The following SPOCK1 variants were observed in gnomAD, a reference collection of about 807,000 sequenced individuals.
SPOCK1 encodes SPARC (osteonectin), cwcv and kazal like domains proteoglycan 1, also known as testican-1.
In SPOCK1, 23 loss-of-function variants were observed where a neutral mutation model predicts 55.3. The ratio of observed to expected loss-of-function variants is 0.42; its 90% confidence interval spans 0.30 to 0.59. The LOEUF is 0.59. SPOCK1 is among the 20% of genes least tolerant of loss of function. The pLI, the probability that SPOCK1 is intolerant of heterozygous loss-of-function variation, is 0.22. For missense variants in SPOCK1, 499 were observed against 552.5 expected (o/e 0.90, Z 0.97); for synonymous variants, 226 against 221.0 (o/e 1.02, Z -0.20).
At chr5:137,090,870 TTTCTC>T (rs1363714981) in intron 5 of SPOCK1, among the ~76,000 whole-genome samples, 6 of 152,158 alleles carry the variant, frequency 3.9e-5, no homozygotes, top group African/African-American at 1.2e-4. Context: ...CATGAAGTGT[TTTCTC>T]TTTCTTTCAG....
intron 2 of SPOCK1, among the ~76,000 whole-genome samples, chr5:137,341,022 G>A (rs114011772): frequency 0.021 from 3,138 of 152,194 alleles, 35 homozygotes; most frequent in Non-Finnish European, 0.033. Flanking sequence ...ACCCCTCCAC[G>A]GGACCATAGG....
chr5:137,417,801 T>C (rs1448963501), intron 2 of SPOCK1, among the ~76,000 whole-genome samples: 1 of 152,172 alleles, frequency 6.6e-6, no homozygotes, highest in African/African-American at 2.4e-5. Context: ...TCAGTTTTTA[T>C]GTTTTATTTT....
intron 3 of SPOCK1, among the ~76,000 whole-genome samples, chr5:137,148,503 C>T (rs990123776): frequency 6.6e-6 from 1 of 152,122 alleles, no homozygotes; most frequent in South Asian, 2.1e-4. Flanking sequence ...GACAAGGACC[C>T]TCACTCAGCA....
intron 7 of SPOCK1, among the ~76,000 whole-genome samples, chr5:136,989,252 C>A (rs1176313902): frequency 6.6e-6 from 1 of 152,180 alleles, no homozygotes; most frequent in African/African-American, 2.4e-5. Context: ...ACAATAATTT[C>A]TTTCTTATTT....
At chr5:137,095,993 G>A (rs543533404) in intron 5 of SPOCK1, among the ~76,000 whole-genome samples, 9 of 152,158 alleles carry the variant, frequency 5.9e-5, no homozygotes, top group African/African-American at 2.2e-4. Context: ...GTGGGCAGGG[G>A]GAAGGAGGGA....
chr5:137,135,003 A>G (rs1753953865), intron 4 of SPOCK1, among the ~76,000 whole-genome samples: 1 of 152,238 alleles, frequency 6.6e-6, no homozygotes, highest in African/African-American at 2.4e-5. Flanking sequence ...ATAGTTAAGA[A>G]GTGGAGATAA....
intron 3 of SPOCK1, among the ~76,000 whole-genome samples, chr5:137,196,328 G>A (rs1003049442): frequency 6.6e-6 from 1 of 152,082 alleles, no homozygotes; most frequent in Non-Finnish European, 1.5e-5. Context: ...TAAATCTGTC[G>A]CCTAGCCCTC....
chr5:137,226,694 T>C (rs1200029215), intron 3 of SPOCK1, among the ~76,000 whole-genome samples: 1 of 152,232 alleles, frequency 6.6e-6, no homozygotes, highest in Non-Finnish European at 1.5e-5. Flanking sequence ...CTTGCCCATC[T>C]CTGGGCCTTT....
chr5:137,086,403 G>A (rs956032116), intron 5 of SPOCK1, among the ~76,000 whole-genome samples: 3 of 152,196 alleles, frequency 2.0e-5, no homozygotes, highest in Non-Finnish European at 4.4e-5. Context: ...GGCAGCCCAG[G>A]GCTGAGCAGC....
At chr5:137,312,770 T>C (rs1410252204) in intron 2 of SPOCK1, among the ~76,000 whole-genome samples, 1 of 152,172 alleles carries the variant, frequency 6.6e-6, no homozygotes, top group Non-Finnish European at 1.5e-5. Flanking sequence ...TGAAAAGAGA[T>C]GCTCTCTCTG....
intron 4 of SPOCK1, among the ~76,000 whole-genome samples, chr5:137,128,128 G>A (rs978033288): frequency 3.9e-5 from 6 of 152,236 alleles, no homozygotes; most frequent in African/African-American, 7.2e-5. Context: ...AAGAAGGCCC[G>A]TAGATATTCC....
chr5:137,359,486 T>C (rs1488567158), intron 2 of SPOCK1, among the ~76,000 whole-genome samples: 1 of 152,226 alleles, frequency 6.6e-6, no homozygotes, highest in Non-Finnish European at 1.5e-5. Flanking sequence ...ATAGCTTCCA[T>C]TTATTGAGTA....
chr5:137,259,432 T>C (rs1355367781), intron 3 of SPOCK1, among the ~76,000 whole-genome samples: 1 of 152,056 alleles, frequency 6.6e-6, no homozygotes, highest in Non-Finnish European at 1.5e-5. Flanking sequence ...AAGTGGGAGT[T>C]GAACAATGAG....
At chr5:137,073,221 G>A (rs1752651031) in intron 5 of SPOCK1, among the ~76,000 whole-genome samples, 1 of 152,160 alleles carries the variant, frequency 6.6e-6, no homozygotes, top group South Asian at 2.1e-4. Context: ...ACAAAGGCCT[G>A]TTTCCATGAA....
chr5:137,086,305 G>A (rs746640469), intron 5 of SPOCK1, among the ~76,000 whole-genome samples: 21 of 152,144 alleles, frequency 1.4e-4, no homozygotes, highest in Non-Finnish European at 2.2e-4. Context: ...TACCTTCCAC[G>A]TTCCAGTTCC....
intron 2 of SPOCK1, among the ~76,000 whole-genome samples, chr5:137,396,839 T>C (rs1751858966): frequency 6.6e-6 from 1 of 152,206 alleles, no homozygotes; most frequent in Admixed American, 6.5e-5. Flanking sequence ...GACATGTGGC[T>C]GAACCAATTC....
At chr5:137,378,801 TG>T (rs1273781987) in intron 2 of SPOCK1, among the ~76,000 whole-genome samples, 1 of 152,118 alleles carries the variant, frequency 6.6e-6, no homozygotes, top group Non-Finnish European at 1.5e-5. Context: ...AGTTTCCTTG[TG>T]GGGAGTTTGA....
chr5:137,361,923 G>A (rs892534103), intron 2 of SPOCK1, among the ~76,000 whole-genome samples: 9 of 152,220 alleles, frequency 5.9e-5, no homozygotes, highest in African/African-American at 2.2e-4. Flanking sequence ...GAAGCATGAG[G>A]GACCCTCAAA....
chr5:137,250,147 C>T (rs1756481052), intron 3 of SPOCK1, among the ~76,000 whole-genome samples: 1 of 152,178 alleles, frequency 6.6e-6, no homozygotes, highest in African/African-American at 2.4e-5. Context: ...ATTTCAGTTT[C>T]CACAGATAAA....
Sources: allele counts gnomAD v4.1 joint callset (sites outside exome capture counted in the v4.1 genomes callset), GRCh38; gene constraint gnomAD v4.1.1; transcripts MANE v1.5; gene names NCBI Gene and HGNC (gene_info 2026-07-23, HGNC 2026-07-21).